The following MIPOL1 variants were observed in gnomAD, a reference collection of about 807,000 sequenced individuals.
MIPOL1 encodes mirror-image polydactyly gene 1 protein.
In MIPOL1, 57 loss-of-function variants were observed where a neutral mutation model predicts 60.9. The observed-to-expected ratio is 0.94, with a 90% CI of 0.76 to 1.17. MIPOL1 has a LOEUF of 1.17. MIPOL1 is among the 50% of genes most tolerant of loss of function. The probability of loss-of-function intolerance (pLI) is 0.00; values close to 1 mark genes in which losing one functional copy is unlikely to be tolerated. For missense variants in MIPOL1, 551 were observed against 511.6 expected, an observed-to-expected ratio of 1.08 and a Z score of -0.74; for synonymous variants, 179 against 168.8, an observed-to-expected ratio of 1.06 and a Z score of -0.47.
At chr14:37,374,701 T>A (rs1344161977) in intron 10 of MIPOL1, among the ~76,000 whole-genome samples, 1 of 152,144 alleles carries the variant, frequency 6.6e-6, no homozygotes, top group Non-Finnish European at 1.5e-5. Context: ...GTTGTAGATG[T>A]GTAGTGTTAT....
chr14:37,216,817 C>A (rs1967798957), intron 1 of MIPOL1, among the ~76,000 whole-genome samples: 1 of 151,940 alleles, frequency 6.6e-6, no homozygotes, highest in South Asian at 2.1e-4. Flanking sequence ...ACTATAGGTG[C>A]CTACATTAAA....
intron 9 of MIPOL1, among the ~76,000 whole-genome samples, chr14:37,348,560 A>G (rs2153470011): frequency 6.6e-6 from 1 of 152,270 alleles, no homozygotes; most frequent in South Asian, 2.1e-4. Context: ...GGAATAAAAA[A>G]TAATGTCCCT....
chr14:37,237,937 G>A (rs1054971392), intron 1 of MIPOL1, among the ~76,000 whole-genome samples: 7 of 151,916 alleles, frequency 4.6e-5, no homozygotes, highest in Non-Finnish European at 1.0e-4. Context: ...CCCTTTCTTC[G>A]TTTTGAGCTT....
chr14:37,376,334 G>T (rs1472761770), intron 10 of MIPOL1, among the ~76,000 whole-genome samples: 4 of 152,138 alleles, frequency 2.6e-5, no homozygotes, highest in Non-Finnish European at 4.4e-5. Context: ...TGGTCTGCCT[G>T]TTCATCCCTC....
At chr14:37,504,107 A>G (rs980500906) in intron 12 of MIPOL1, 4 of 152,206 alleles carry the variant, frequency 2.6e-5, no homozygotes, top group Admixed American at 6.5e-5. Context: ...TTCATAAAAC[A>G]AGTCCATGGA....
intron 9 of MIPOL1, among the ~76,000 whole-genome samples, chr14:37,348,828 G>GT (rs10712008): frequency 5.0e-4 from 56 of 113,066 alleles, no homozygotes; most frequent in African/African-American, 1.9e-3. Context: ...TCCTTTTTTT[G>GT]TTTTTTTTTT....
At position 37,243,200 on chromosome 14, in the gene MIPOL1, ACAGGGC is replaced by A. The variant is rs530299194; in HGVS notation, c.-198-3900_-198-3895del. Reference sequence around the variant, plus strand: ...CCTTTTAAATTTGTATAGCTGTGGTACAGGGCCACTATTATCCCTTATCCTTTCTTC... The same window carrying A: ...CCTTTTAAATTTGTATAGCTGTGGTACACTATTATCCCTTATCCTTTCTTC... On this transcript the variant is annotated intron_variant, in intron 1 of 12. Coordinates refer to ENST00000684589, the MANE Select transcript of MIPOL1 (RefSeq NM_001388067.1). 6.0e-3 allele frequency among the ~76,000 whole-genome samples: 921 copies of A among 152,316 alleles called. 7 individuals carry two copies. The highest frequency in any genetic ancestry group is 0.019 in the African/African-American group (799 of 41,578).
intron 11 of MIPOL1, among the ~76,000 whole-genome samples, chr14:37,456,314 A>T (rs2094475890): frequency 6.6e-6 from 1 of 152,118 alleles, no homozygotes; most frequent in African/African-American, 2.4e-5. Flanking sequence ...ATGTTGCTAA[A>T]TGATACCTGT....
rs2084469158 is a variant in MIPOL1 at position 37,285,402 on chromosome 14, A to G, written c.578A>G (p.Asp193Gly). ...SRLQLAIEER[D>G]EAIARAKHME... ...CTGCAATTAGCCATTGAGGAGAGAG[A>G]TGAAGCAATTGCACGAGCCAAGCAT... The change falls in exon 7 of 13, where the codon GAT (aspartate) becomes GGT (glycine). Residue 193 changes from aspartate to glycine, a missense_variant. Physicochemically the swap from Asp to Gly is moderately conservative, Grantham distance 94. Coordinates refer to ENST00000684589, the MANE Select transcript of MIPOL1 (RefSeq NM_001388067.1). The G allele has an allele frequency of 2.5e-6, 4 of 1,614,086 alleles. No homozygotes were observed. The African/African-American group carries it at 4.0e-5, about 16-fold the overall frequency.
At chr14:37,493,627 A>G (rs1055716080) in intron 11 of MIPOL1, among the ~76,000 whole-genome samples, 2 of 152,342 alleles carry the variant, frequency 1.3e-5, no homozygotes, top group Non-Finnish European at 1.5e-5. Flanking sequence ...ATTAGTAAGT[A>G]AAAATATTTT....
At chr14:37,336,132 A>C (rs1409589190) in intron 9 of MIPOL1, among the ~76,000 whole-genome samples, 1 of 142,616 alleles carries the variant, frequency 7.0e-6, no homozygotes, top group Admixed American at 7.1e-5. Flanking sequence ...TTGCATGTGG[A>C]TATTCAGTTG....
chr14:37,316,516 A>G (rs11628891), intron 9 of MIPOL1, among the ~76,000 whole-genome samples: 26 of 151,840 alleles, frequency 1.7e-4, no homozygotes, highest in Non-Finnish European at 1.2e-4. Flanking sequence ...CAGTGAATAC[A>G]ACTTTTTTTC....
chr14:37,204,633 C>A (rs1232686406), intron 1 of MIPOL1, among the ~76,000 whole-genome samples: 1 of 152,044 alleles, frequency 6.6e-6, no homozygotes, highest in Admixed American at 6.6e-5. Context: ...GTGAGGCCTC[C>A]CAAGCCACGT....
At chr14:37,270,605 C>A in intron 6 of MIPOL1, 80 bp downstream of exon 6, 2 of 567,788 alleles carry the variant, frequency 3.5e-6, no homozygotes, top group African/African-American at 2.0e-5. Context: ...TGAATACTAG[C>A]ATACTGGCTT....
intron 7 of MIPOL1, among the ~76,000 whole-genome samples, chr14:37,287,384 C>T (rs1402967439): frequency 6.6e-6 from 1 of 152,054 alleles, no homozygotes; most frequent in Non-Finnish European, 1.5e-5. Context: ...GCTATGACTA[C>T]AGGGACTTCA....
intron 11 of MIPOL1, among the ~76,000 whole-genome samples, chr14:37,445,093 A>C (rs1250404938): frequency 3.3e-5 from 5 of 152,200 alleles, no homozygotes; most frequent in Non-Finnish European, 7.3e-5. Context: ...AGGCAGGAGA[A>C]GACAATAAAG....
Position 37,312,782 on chromosome 14 carries a change from C to T in MIPOL1, c.828+4263C>T, listed in dbSNP as rs149480441. 5.9e-3 allele frequency among the ~76,000 whole-genome samples: 891 copies of T among 152,092 alleles called. 12 individuals are homozygous for T. Among genetic ancestry groups the T allele is most frequent in the African/African-American group, 0.02 (823 of 41,506 alleles). On this transcript the variant is annotated intron_variant, in intron 9 of 12. Transcript: ENST00000684589. ...TCAAGGAATTATCTTACCAACCAGT[C>T]CTCTATTCTTTCTTTATCATTTTTT... is the stretch of plus-strand genomic sequence containing the variant.
At chr14:37,319,349 T>G (rs193223381) in intron 9 of MIPOL1, among the ~76,000 whole-genome samples, 30 of 152,308 alleles carry the variant, frequency 2.0e-4, no homozygotes, top group Admixed American at 6.5e-4. Context: ...TTAGAAAAGT[T>G]GTACCTAGAA....
chr14:37,455,728 T>C (rs779070417), intron 11 of MIPOL1, among the ~76,000 whole-genome samples: 2 of 152,178 alleles, frequency 1.3e-5, no homozygotes, highest in Admixed American at 6.5e-5. Context: ...ACTTTGAGTT[T>C]CTTAAGGCAA....
Sources: allele counts gnomAD v4.1 joint callset (sites outside exome capture counted in the v4.1 genomes callset), GRCh38; gene constraint gnomAD v4.1.1; transcripts MANE v1.5; gene names NCBI Gene and HGNC (gene_info 2026-07-23, HGNC 2026-07-21).